The following NRXN3 variants were observed in gnomAD, a reference collection of about 807,000 sequenced individuals.
The protein encoded by NRXN3 is neurexin 3.
A neutral mutation model predicts 137.6 loss-of-function variants in NRXN3; 32 were observed. That is an observed-to-expected ratio of 0.23 (90% CI 0.18 to 0.31). NRXN3 has a LOEUF of 0.31. NRXN3 is among the 10% of genes least tolerant of loss of function. The pLI is 1.00. For synonymous variants in NRXN3, 798 were observed against 784.5 expected (o/e 1.02, Z -0.29); for missense variants, 1,574 against 2,062.5 (o/e 0.76, Z 4.59).
chr14:79,021,616 T>G (rs974855935), intron 15 of NRXN3, among the ~76,000 whole-genome samples: 5 of 152,098 alleles, frequency 3.3e-5, no homozygotes, highest in Non-Finnish European at 4.4e-5. Context: ...GATGGGAGTG[T>G]GCAATTTGCT....
intron 10 of NRXN3, among the ~76,000 whole-genome samples, chr14:78,946,665 A>C (rs1430307043): frequency 6.6e-6 from 1 of 152,172 alleles, no homozygotes; most frequent in Non-Finnish European, 1.5e-5. Context: ...TGAGGAACTC[A>C]GGGTGCATGG....
intron 15 of NRXN3, among the ~76,000 whole-genome samples, chr14:79,141,804 C>T (rs1191328293): frequency 6.6e-6 from 1 of 152,100 alleles, no homozygotes; most frequent in Non-Finnish European, 1.5e-5. Context: ...ACACATTTTA[C>T]CTGAAGTGAC....
chr14:79,318,842 C>G (rs2089433348), intron 15 of NRXN3, among the ~76,000 whole-genome samples: 1 of 152,104 alleles, frequency 6.6e-6, no homozygotes, highest in Non-Finnish European at 1.5e-5. Flanking sequence ...ATTTTTATTT[C>G]TTAATTTCTT....
At chr14:79,574,100 G>A (rs1882117009) in intron 16 of NRXN3, among the ~76,000 whole-genome samples, 2 of 151,906 alleles carry the variant, frequency 1.3e-5, no homozygotes, top group Non-Finnish European at 2.9e-5. Context: ...AGACCTAAAG[G>A]AGTATAACCG....
chr14:79,458,173 A>G (rs897442897), intron 15 of NRXN3, among the ~76,000 whole-genome samples: 1 of 152,136 alleles, frequency 6.6e-6, no homozygotes, highest in African/African-American at 2.4e-5. Context: ...TACAAAAACA[A>G]TTTGCAATGT....
chr14:79,180,828 A>T, intron 15 of NRXN3, among the ~76,000 whole-genome samples: 1 of 152,090 alleles, frequency 6.6e-6, no homozygotes, highest in Non-Finnish European at 1.5e-5. Context: ...CAGACCTAAT[A>T]ATCTTTATGT....
chr14:78,923,127 C>T (rs2099275630), intron 10 of NRXN3, among the ~76,000 whole-genome samples: 1 of 152,114 alleles, frequency 6.6e-6, no homozygotes, highest in African/African-American at 2.4e-5. Flanking sequence ...AAAGGAATAG[C>T]CTTTGGCCTT....
At chr14:79,715,423 C>A (rs1430358041) in intron 19 of NRXN3, among the ~76,000 whole-genome samples, 2 of 152,188 alleles carry the variant, frequency 1.3e-5, no homozygotes, top group East Asian at 3.9e-4. Flanking sequence ...GAGATTCTGG[C>A]AAACCTATAT....
chr14:79,723,926 G>A (rs2098861763), intron 19 of NRXN3, among the ~76,000 whole-genome samples: 1 of 152,110 alleles, frequency 6.6e-6, no homozygotes, highest in Middle Eastern at 3.2e-3. Context: ...TCCAGGCTAT[G>A]CCTTTCATCT....
intron 4 of NRXN3, among the ~76,000 whole-genome samples, chr14:78,636,717 T>C (rs1156901719): frequency 6.6e-6 from 1 of 152,232 alleles, no homozygotes; most frequent in African/African-American, 2.4e-5. Context: ...TTTGCTTATA[T>C]GGATCTGGTG....
At chr14:79,360,646 T>C (rs2093652079) in intron 15 of NRXN3, among the ~76,000 whole-genome samples, 1 of 152,170 alleles carries the variant, frequency 6.6e-6, no homozygotes, top group South Asian at 2.1e-4. Context: ...ATGGAGTTTT[T>C]ATTTATTTAT....
chr14:79,566,443 C>G (rs1380226124), intron 16 of NRXN3, among the ~76,000 whole-genome samples: 1 of 152,022 alleles, frequency 6.6e-6, no homozygotes, highest in Non-Finnish European at 1.5e-5. Context: ...CTTTTCCAAG[C>G]CCTGCAGTTT....
intron 15 of NRXN3, among the ~76,000 whole-genome samples, chr14:79,030,238 C>A (rs897587785): frequency 6.6e-6 from 1 of 151,614 alleles, no homozygotes. Flanking sequence ...CAGTAGTAGC[C>A]CCCCCAACAT....
intron 15 of NRXN3, among the ~76,000 whole-genome samples, chr14:79,355,472 A>G (rs1021637155): frequency 2.0e-5 from 3 of 152,134 alleles, no homozygotes; most frequent in Admixed American, 6.6e-5. Context: ...TTATTAACCT[A>G]TTTTACCCTT....
chr14:79,405,473 C>T (rs2095292054), intron 15 of NRXN3, among the ~76,000 whole-genome samples: 1 of 152,088 alleles, frequency 6.6e-6, no homozygotes, highest in South Asian at 2.1e-4. Flanking sequence ...AGATACTAGT[C>T]TCTGATCCCA....
At chr14:78,636,662 A>G (rs1002416735) in intron 4 of NRXN3, among the ~76,000 whole-genome samples, 4 of 152,188 alleles carry the variant, frequency 2.6e-5, no homozygotes, top group Non-Finnish European at 4.4e-5. Context: ...TGACTGACCC[A>G]TAATTAAAAT....
intron 20 of NRXN3, among the ~76,000 whole-genome samples, chr14:79,832,344 A>C (rs561933044): frequency 2.0e-5 from 3 of 152,258 alleles, no homozygotes; most frequent in Admixed American, 2.0e-4. Flanking sequence ...AGTGTCTCCT[A>C]AGTTGCATTG....
intron 16 of NRXN3, among the ~76,000 whole-genome samples, chr14:79,571,611 G>A (rs1031425087): frequency 6.6e-6 from 1 of 152,102 alleles, no homozygotes; most frequent in Non-Finnish European, 1.5e-5. Flanking sequence ...GAGTCCATAG[G>A]ATCATTTTTC....
chr14:78,800,471 A>G (rs7144040), intron 8 of NRXN3, among the ~76,000 whole-genome samples: 14,450 of 152,162 alleles, frequency 0.095, 1,043 homozygotes, highest in African/African-American at 0.18. Context: ...CATCTGGATC[A>G]TGTGTTAAAT....
Sources: gnomAD v4.1 joint callset for allele counts (sites outside exome capture counted in the v4.1 genomes callset) on GRCh38, gnomAD v4.1.1 for gene constraint, MANE v1.5 for transcripts, NCBI Gene and HGNC (gene_info 2026-07-23, HGNC 2026-07-21) for gene names.